The following LHFPL3 variants were observed in gnomAD, a reference collection of about 807,000 sequenced individuals.
LHFPL3 encodes the protein LHFPL tetraspan subfamily member 3.
A neutral mutation model predicts 19.3 loss-of-function variants in LHFPL3; 5 were observed. The observed-to-expected ratio is 0.26, with a 90% confidence interval of 0.14 to 0.54. LHFPL3 has a LOEUF of 0.54. LHFPL3 is among the 20% of genes least tolerant of loss of function. The probability of loss-of-function intolerance (pLI) is 0.94; values close to 1 mark genes in which losing one functional copy is unlikely to be tolerated. For missense variants in LHFPL3, 249 were observed against 307.4 expected, an observed-to-expected ratio of 0.81 and a Z score of 1.42; for synonymous variants, 133 against 126.2, an observed-to-expected ratio of 1.05 and a Z score of -0.36.
At chr7:104,886,762 C>A (rs1792156355) in intron 2 of LHFPL3, among the ~76,000 whole-genome samples, 1 of 152,200 alleles carries the variant, frequency 6.6e-6, no homozygotes, top group African/African-American at 2.4e-5. Flanking sequence ...AGCTTTTACC[C>A]ATTTACTGTA....
At chr7:104,906,118 C>G (rs1007196109) in intron 2 of LHFPL3, 69 bp from the exon 3 acceptor site, 1 of 1,445,712 alleles carries the variant, frequency 6.9e-7, no homozygotes, top group Non-Finnish European at 9.6e-7. Flanking sequence ...AAAAATCTTG[C>G]AGACAGAAAA....
chr7:104,841,218 T>C (rs939036428), intron 2 of LHFPL3, among the ~76,000 whole-genome samples: 10 of 152,192 alleles, frequency 6.6e-5, no homozygotes, highest in East Asian at 1.9e-4. Context: ...ATTGCCTTAA[T>C]TGGAATATCA....
chr7:104,811,578 GA>G (rs959044046), intron 2 of LHFPL3, among the ~76,000 whole-genome samples: 1 of 151,486 alleles, frequency 6.6e-6, no homozygotes, highest in Non-Finnish European at 1.5e-5. Context: ...TCCTAGAAGG[GA>G]AAAAAAAGCT....
At chr7:104,792,434 G>A (rs532631131) in intron 2 of LHFPL3, among the ~76,000 whole-genome samples, 21 of 152,260 alleles carry the variant, frequency 1.4e-4, no homozygotes, top group African/African-American at 2.2e-4. Context: ...AATTATCTCC[G>A]TCATGGCTAC....
intron 1 of LHFPL3, among the ~76,000 whole-genome samples, chr7:104,607,450 G>A (rs867554062): frequency 6.6e-6 from 1 of 152,190 alleles, no homozygotes; most frequent in Non-Finnish European, 1.5e-5. Flanking sequence ...AGAACCATAT[G>A]TTCAGATCAC....
At chr7:104,411,647 C>G (rs560815726) in intron 1 of LHFPL3, among the ~76,000 whole-genome samples, 2 of 152,056 alleles carry the variant, frequency 1.3e-5, no homozygotes, top group African/African-American at 2.4e-5. Flanking sequence ...TTTTCAACCT[C>G]GTTAGTGTTT....
At chr7:104,642,091 G>T (rs1321897241) in intron 1 of LHFPL3, among the ~76,000 whole-genome samples, 1 of 143,768 alleles carries the variant, frequency 7.0e-6, no homozygotes, top group Non-Finnish European at 1.5e-5. Flanking sequence ...AGACTGGAGT[G>T]CAGTGGTGCA....
chr7:104,380,914 A>C (rs1266376059), intron 1 of LHFPL3, among the ~76,000 whole-genome samples: 1 of 152,236 alleles, frequency 6.6e-6, no homozygotes, highest in Non-Finnish European at 1.5e-5. Context: ...GTGAACATTG[A>C]AATCAGTTGT....
intron 1 of LHFPL3, among the ~76,000 whole-genome samples, chr7:104,734,880 G>A (rs963559942): frequency 3.9e-5 from 6 of 152,228 alleles, no homozygotes; most frequent in South Asian, 2.1e-4. Context: ...TGATGGTGAC[G>A]TACAGATGGG....
chr7:104,733,527 A>T (rs1469118957), intron 1 of LHFPL3, among the ~76,000 whole-genome samples: 1 of 152,114 alleles, frequency 6.6e-6, no homozygotes, highest in Non-Finnish European at 1.5e-5. Context: ...CTGTTTTATC[A>T]GAGACTAGGA....
intron 1 of LHFPL3, among the ~76,000 whole-genome samples, chr7:104,396,738 C>A (rs980999891): frequency 6.6e-6 from 1 of 151,868 alleles, no homozygotes; most frequent in Admixed American, 6.6e-5. Flanking sequence ...GGGCAGATTG[C>A]TCGAGCTCAG....
intron 2 of LHFPL3, among the ~76,000 whole-genome samples, chr7:104,793,672 T>C (rs1169937984): frequency 1.3e-5 from 2 of 152,154 alleles, no homozygotes; most frequent in Admixed American, 6.6e-5. Flanking sequence ...TTTGGTTTGG[T>C]TTTTTAGCAA....
chr7:104,442,528 G>T (rs1453056225), intron 1 of LHFPL3, among the ~76,000 whole-genome samples: 1 of 152,156 alleles, frequency 6.6e-6, no homozygotes. Context: ...CATTGCTAAA[G>T]CTTTGTCAAC....
At chr7:104,539,504 C>T (rs758513420) in intron 1 of LHFPL3, among the ~76,000 whole-genome samples, 4 of 151,908 alleles carry the variant, frequency 2.6e-5, no homozygotes, top group African/African-American at 9.7e-5. Context: ...ATGTTGACTT[C>T]GAAGGAATAG....
chr7:104,616,592 C>A (rs950949675), intron 1 of LHFPL3, among the ~76,000 whole-genome samples: 1 of 152,116 alleles, frequency 6.6e-6, no homozygotes, highest in Non-Finnish European at 1.5e-5. Context: ...GACTTCATGA[C>A]TAAAACACCA....
intron 1 of LHFPL3, among the ~76,000 whole-genome samples, chr7:104,348,618 G>T (rs1790116845): frequency 6.6e-6 from 1 of 152,318 alleles, no homozygotes; most frequent in East Asian, 1.9e-4. Flanking sequence ...AAACATTATA[G>T]AGCCAAGTAA....
chr7:104,852,974 A>C (rs1791439860), intron 2 of LHFPL3, among the ~76,000 whole-genome samples: 1 of 151,914 alleles, frequency 6.6e-6, no homozygotes, highest in Non-Finnish European at 1.5e-5. Flanking sequence ...AACCACTGCC[A>C]CCGTCTGCCC....
intron 1 of LHFPL3, among the ~76,000 whole-genome samples, chr7:104,416,829 A>G (rs565757295): frequency 6.6e-6 from 1 of 152,330 alleles, no homozygotes; most frequent in East Asian, 1.9e-4. Flanking sequence ...TGGAGGCTAG[A>G]AGGTCCAAGA....
chr7:104,836,022 G>C (rs1479439930), intron 2 of LHFPL3, among the ~76,000 whole-genome samples: 1 of 151,892 alleles, frequency 6.6e-6, no homozygotes, highest in African/African-American at 2.4e-5. Flanking sequence ...TGGGTAGTGT[G>C]CTAAGTAGTG....
Sources: gnomAD v4.1 joint callset for allele counts (sites outside exome capture counted in the v4.1 genomes callset) on GRCh38, gnomAD v4.1.1 for gene constraint, MANE v1.5 for transcripts, NCBI Gene and HGNC (gene_info 2026-07-23, HGNC 2026-07-21) for gene names.